Variants in ADGB observed in about 807,000 individuals in gnomAD.
The protein encoded by ADGB is calpain-7-like protein.
Under a neutral mutation model 210.5 loss-of-function variants are expected in ADGB, and 172 were observed. The ratio of observed to expected loss-of-function variants is 0.82; its 90% CI spans 0.72 to 0.93. The LOEUF (loss-of-function observed/expected upper bound fraction) is 0.93. Ranked by LOEUF, ADGB falls within the 40% of genes least tolerant of loss-of-function variation. ADGB has a pLI of 0.00. For synonymous variants in ADGB, 658 were observed against 662.7 expected, an observed-to-expected ratio of 0.99 and a Z score of 0.11; for missense variants, 2,025 against 1,964.8, an observed-to-expected ratio of 1.03 and a Z score of -0.58.
chr6:146,786,885 A>C (rs1188020850), intron 32 of ADGB, among the ~76,000 whole-genome samples: 3 of 152,212 alleles, frequency 2.0e-5, no homozygotes, highest in South Asian at 2.1e-4. Context: ...AAATAGGGGA[A>C]GTCTCCCCTA....
chr6:146,676,207 A>G, intron 8 of ADGB, 106 bp from the exon 9 acceptor site: 1 of 1,016,178 alleles, frequency 9.8e-7, no homozygotes, highest in South Asian at 2.2e-5. Context: ...TTTACATTAA[A>G]TAATACTATT....
intron 1 of ADGB, among the ~76,000 whole-genome samples, chr6:146,625,759 A>C (rs1780962485): frequency 6.6e-6 from 1 of 152,096 alleles, no homozygotes; most frequent in Non-Finnish European, 1.5e-5. Context: ...AGCCTACAGA[A>C]CCATTAACCA....
At chr6:146,681,627 C>G (rs917318567) in intron 9 of ADGB, among the ~76,000 whole-genome samples, 1 of 151,950 alleles carries the variant, frequency 6.6e-6, no homozygotes, top group Non-Finnish European at 1.5e-5. Flanking sequence ...GAATTACACT[C>G]AAGAAAGAAT....
chr6:146,656,357 A>T (rs1048715633), intron 4 of ADGB, among the ~76,000 whole-genome samples: 2 of 152,212 alleles, frequency 1.3e-5, no homozygotes, highest in African/African-American at 4.8e-5. Flanking sequence ...TGTCCTATTG[A>T]CATACAAGAG....
chr6:146,624,024 T>C (rs1476846680), intron 1 of ADGB, among the ~76,000 whole-genome samples: 1 of 151,876 alleles, frequency 6.6e-6, no homozygotes. Context: ...AGATATTGGG[T>C]TCCAGTTTTC....
chr6:146,636,096 A>G (rs945336074), intron 2 of ADGB, among the ~76,000 whole-genome samples: 1 of 152,056 alleles, frequency 6.6e-6, no homozygotes, highest in African/African-American at 2.4e-5. Context: ...TTTTCCAATT[A>G]TATTACTTTA....
intron 2 of ADGB, among the ~76,000 whole-genome samples, chr6:146,642,560 AC>A (rs2114867787): frequency 6.6e-6 from 1 of 152,142 alleles, no homozygotes; most frequent in South Asian, 2.1e-4. Context: ...ACCATGTGGT[AC>A]GTATATACTA....
At chr6:146,805,693 T>G (rs1041291996) in intron 35 of ADGB, among the ~76,000 whole-genome samples, 1 of 152,164 alleles carries the variant, frequency 6.6e-6, no homozygotes, top group Non-Finnish European at 1.5e-5. Flanking sequence ...CCTGGAATAT[T>G]CTTTCCCCAA....
intron 8 of ADGB, among the ~76,000 whole-genome samples, chr6:146,673,443 G>A (rs1776043655): frequency 6.6e-6 from 1 of 152,102 alleles, no homozygotes; most frequent in Admixed American, 6.6e-5. Flanking sequence ...CATCTTTGTT[G>A]TCGTTATCCT....
chr6:146,788,292 G>A, intron 32 of ADGB, 97 bp from the exon 33 acceptor site: 1 of 1,104,130 alleles, frequency 9.1e-7, no homozygotes, highest in Non-Finnish European at 1.3e-6. Flanking sequence ...TGAGTCATCT[G>A]CTCTAAATCT....
Position 146,685,766 on chromosome 6 carries a change from G to A in ADGB, c.1249G>A (p.Val417Ile), listed in dbSNP as rs1340992387. 2.4e-5 allele frequency: 37 copies of A among 1,539,790 alleles called. No individual in the cohort carries two copies. Among genetic ancestry groups the A allele is most frequent in the Middle Eastern group, 1.8e-4 (1 of 5,698 alleles). ...SSAIQTSHMVVYATFTPLYLF... is the reference protein window; with the variant it reads ...SSAIQTSHMVIYATFTPLYLF... ...TGCAATACAGACCTCTCATATGGTCGTATATGCGACATTTACACCTCTTTA... is the reference window on the plus strand; with the variant it reads ...TGCAATACAGACCTCTCATATGGTCATATATGCGACATTTACACCTCTTTA... Residue 417 changes from valine to isoleucine, a missense_variant, in exon 10 of 36, where the codon GTA becomes ATA. By Grantham distance (29) the Val-to-Ile change is conservative. Coordinates refer to ENST00000397944, the MANE Select transcript of ADGB (RefSeq NM_024694.4).
At chr6:146,800,727 G>A (rs1328459125) in intron 33 of ADGB, among the ~76,000 whole-genome samples, 2 of 152,010 alleles carry the variant, frequency 1.3e-5, no homozygotes, top group Non-Finnish European at 2.9e-5. Context: ...GTAAAATACT[G>A]TTTTCAGTAT....
intron 11 of ADGB, among the ~76,000 whole-genome samples, chr6:146,692,303 G>T (rs111370669): frequency 1.1e-3 from 168 of 152,010 alleles, no homozygotes; most frequent in African/African-American, 4.0e-3. Context: ...CTTTCTTCTG[G>T]ATCAGCCTCA....
intron 10 of ADGB, 141 bp from the exon 11 acceptor site, chr6:146,690,975 A>T: frequency 2.0e-6 from 1 of 498,754 alleles, no homozygotes; most frequent in Non-Finnish European, 3.3e-6. Context: ...AATAATGCTT[A>T]TATTAAGAGA....
intron 7 of ADGB, among the ~76,000 whole-genome samples, chr6:146,667,243 A>T (rs190487027): frequency 9.3e-4 from 142 of 152,124 alleles, no homozygotes; most frequent in African/African-American, 3.1e-3. Context: ...AAGTGACAAG[A>T]CAAAAGAAAA....
intron 27 of ADGB, among the ~76,000 whole-genome samples, chr6:146,753,366 G>C (rs1777355245): frequency 6.6e-6 from 1 of 151,990 alleles, no homozygotes; most frequent in African/African-American, 2.4e-5. Flanking sequence ...TTTGCACTTA[G>C]ATTTTAAGCA....
chr6:146,654,780 ATTATTGTGTGTG>A (rs1775756348), intron 4 of ADGB, among the ~76,000 whole-genome samples: 1 of 152,082 alleles, frequency 6.6e-6, no homozygotes, highest in African/African-American at 2.4e-5. Context: ...AATATTGTGT[ATTATTGTGTGTG>A]TTATTGTGTG....
At chr6:146,658,090 C>T (rs897830158) in intron 5 of ADGB, among the ~76,000 whole-genome samples, 1 of 151,990 alleles carries the variant, frequency 6.6e-6, no homozygotes, top group Non-Finnish European at 1.5e-5. Flanking sequence ...TAGGCCTGAG[C>T]CATCTAGCTT....
At chr6:146,776,347 G>A (rs548113484) in intron 29 of ADGB, among the ~76,000 whole-genome samples, 266 of 147,156 alleles carry the variant, frequency 1.8e-3, no homozygotes, top group African/African-American at 6.3e-3. Flanking sequence ...ACATATTAAA[G>A]TTAAACAATC....
Sources: allele counts gnomAD v4.1 joint callset (sites outside exome capture counted in the v4.1 genomes callset), GRCh38; gene constraint gnomAD v4.1.1; transcripts MANE v1.5; gene names NCBI Gene and HGNC (gene_info 2026-07-23, HGNC 2026-07-21).